The following BMPR1B variants were observed in gnomAD, a reference collection of about 807,000 sequenced individuals.
BMPR1B encodes bone morphogenetic protein receptor type 1B.
A neutral mutation model predicts 59.1 loss-of-function variants in BMPR1B; 12 were observed. The ratio of observed to expected loss-of-function variants is 0.20; its 90% CI spans 0.13 to 0.33. The LOEUF (loss-of-function observed/expected upper bound fraction) is 0.33, where lower values mean the gene tolerates loss of function less well. Among genes scored for constraint, BMPR1B ranks in the 10% least tolerant of loss-of-function variants. The probability of loss-of-function intolerance (pLI) is 1.00; values close to 1 mark genes in which losing one functional copy is unlikely to be tolerated. For synonymous variants in BMPR1B, 237 were observed against 207.3 expected, an observed-to-expected ratio of 1.14 and a Z score of -1.23; for missense variants, 550 against 610.9, an observed-to-expected ratio of 0.90 and a Z score of 1.05.
intron 1 of BMPR1B, among the ~76,000 whole-genome samples, chr4:94,872,854 G>A (rs189779875): frequency 1.0e-3 from 155 of 152,338 alleles, no homozygotes; most frequent in African/African-American, 3.6e-3. Context: ...TGTGAAAGTT[G>A]TACGAGGCAG....
intron 2 of BMPR1B, among the ~76,000 whole-genome samples, chr4:94,960,811 G>T (rs1002005125): frequency 6.6e-6 from 1 of 151,776 alleles, no homozygotes; most frequent in African/African-American, 2.4e-5. Context: ...ATCCTTTTTG[G>T]CATTTATATG....
chr4:94,765,176 C>T (rs1181434840), intron 1 of BMPR1B, among the ~76,000 whole-genome samples: 1 of 151,920 alleles, frequency 6.6e-6, no homozygotes, highest in African/African-American at 2.4e-5. Context: ...TTCATATAAA[C>T]CTTAAGAAAA....
chr4:94,815,517 C>T (rs973255114), intron 1 of BMPR1B, among the ~76,000 whole-genome samples: 11 of 152,142 alleles, frequency 7.2e-5, no homozygotes, highest in Admixed American at 1.3e-4. Flanking sequence ...TCTTTCACAA[C>T]GTGCCACATA....
At chr4:94,969,489 G>A (rs1233276838) in intron 2 of BMPR1B, among the ~76,000 whole-genome samples, 1 of 152,128 alleles carries the variant, frequency 6.6e-6, no homozygotes, top group African/African-American at 2.4e-5. Flanking sequence ...TTAACATTGG[G>A]TAGTATTCTC....
chr4:95,114,642 C>A, intron 4 of BMPR1B, 78 bp from the exon 5 acceptor site: 1 of 1,071,660 alleles, frequency 9.3e-7, no homozygotes, highest in Non-Finnish European at 1.4e-6. Context: ...TCCTTTTCCC[C>A]TAGACACACA....
rs1735352302 is a variant in BMPR1B at position 95,155,474 on chromosome 4, GCTTTTTTTTTT to G, written c.*802_*812del. The G allele has an allele frequency of 5.9e-5, 3 of 50,642 alleles. No homozygotes were observed. The highest frequency in any genetic ancestry group is 8.3e-4 in the South Asian group (1 of 1,206). The allele number at this position is 50,642 out of a possible 1,614,324, so 3.1% of individuals were successfully genotyped here. A position where few individuals can be genotyped will look rare whatever the true frequency, so the allele number is the denominator to read the frequency against. On this transcript the variant is annotated 3_prime_UTR_variant, in exon 13 of 13. Transcript: ENST00000515059. ...ACCCTTTTCATTAAACACAAAGAAAGCTTTTTTTTTTTTTTTTTTTTTTTTTTTTTTTTAAT... is the reference window on the plus strand; with the variant it reads ...ACCCTTTTCATTAAACACAAAGAAAGTTTTTTTTTTTTTTTTTTTTTTAAT...
chr4:94,988,400 A>G (rs1296529105), intron 2 of BMPR1B, among the ~76,000 whole-genome samples: 1 of 152,166 alleles, frequency 6.6e-6, no homozygotes, highest in Non-Finnish European at 1.5e-5. Flanking sequence ...ACCTTATTTT[A>G]TTAAACATAG....
chr4:94,988,509 A>G lies in BMPR1B; in HGVS notation c.-112-7531A>G, dbSNP rs186359813. Among the ~76,000 whole-genome samples the G allele has an allele frequency of 8.5e-5, 13 of 152,290 alleles. 1 individual carries two copies. The highest frequency in any genetic ancestry group is 2.9e-4 in the African/African-American group (12 of 41,566). On this transcript the variant is annotated intron_variant, in intron 2 of 12. Coordinates refer to ENST00000515059, the MANE Select transcript of BMPR1B (RefSeq NM_001203.3). ...ATAAAGTGCTTTAGTTTAGTTTGCC[A>G]TTTGGTTTATGTGATGTCATATAAA... is the stretch of plus-strand genomic sequence containing the variant.
intron 3 of BMPR1B, among the ~76,000 whole-genome samples, chr4:95,064,718 CGAGGATCTCAGCA>C (rs934356959): frequency 2.6e-5 from 4 of 152,070 alleles, no homozygotes; most frequent in African/African-American, 9.7e-5. Flanking sequence ...TGAAAATGGA[CGAGGATCTCAGCA>C]GACATTTCTC....
chr4:95,005,746 C>T (rs2149115585), intron 3 of BMPR1B, among the ~76,000 whole-genome samples: 1 of 152,054 alleles, frequency 6.6e-6, no homozygotes, highest in South Asian at 2.1e-4. Context: ...TTTTCCTTAT[C>T]TTCTGTCTTC....
At chr4:95,092,791 C>CCTT (rs3068100) in intron 3 of BMPR1B, among the ~76,000 whole-genome samples, 142,997 of 151,986 alleles carry the variant, frequency 0.94, 67,341 homozygotes, top group Middle Eastern at 0.99. Context: ...TTGTCACTTC[C>CCTT]CTTTACATAT....
At chr4:94,911,638 G>A (rs1490229301) in intron 2 of BMPR1B, among the ~76,000 whole-genome samples, 1 of 152,124 alleles carries the variant, frequency 6.6e-6, no homozygotes, top group East Asian at 1.9e-4. Context: ...AATATACTAT[G>A]AAGTTAATGA....
At chr4:95,010,616 T>A (rs1430122861) in intron 3 of BMPR1B, among the ~76,000 whole-genome samples, 3 of 152,160 alleles carry the variant, frequency 2.0e-5, no homozygotes, top group African/African-American at 7.2e-5. Flanking sequence ...TGAAAATTGG[T>A]TAGTTCTTCC....
intron 2 of BMPR1B, among the ~76,000 whole-genome samples, chr4:94,904,587 T>G (rs900514314): frequency 3.3e-5 from 5 of 152,056 alleles, no homozygotes. Flanking sequence ...AATCAAAGAC[T>G]GTAAACCTTT....
At chr4:95,151,661 A>T (rs1290758758) in intron 11 of BMPR1B, among the ~76,000 whole-genome samples, 1 of 152,212 alleles carries the variant, frequency 6.6e-6, no homozygotes, top group Non-Finnish European at 1.5e-5. Context: ...GAAAGAACAT[A>T]ACACAGACCC....
chr4:95,021,717 C>A (rs1329505094), intron 3 of BMPR1B, among the ~76,000 whole-genome samples: 1 of 152,142 alleles, frequency 6.6e-6, no homozygotes, highest in Non-Finnish European at 1.5e-5. Context: ...ATTTATAAGT[C>A]ATATGTGAAA....
At chr4:95,003,579 T>C (rs995900029) in intron 3 of BMPR1B, among the ~76,000 whole-genome samples, 3 of 152,148 alleles carry the variant, frequency 2.0e-5, no homozygotes, top group South Asian at 2.1e-4. Flanking sequence ...TGAGAAATGA[T>C]GCATGAATAA....
At chr4:95,072,838 T>A (rs888247884) in intron 3 of BMPR1B, among the ~76,000 whole-genome samples, 3 of 152,158 alleles carry the variant, frequency 2.0e-5, no homozygotes, top group Non-Finnish European at 4.4e-5. Context: ...TTAAAAATTT[T>A]AAAAAATTAA....
chr4:94,940,525 A>C (rs1729472321), intron 2 of BMPR1B, among the ~76,000 whole-genome samples: 1 of 152,172 alleles, frequency 6.6e-6, no homozygotes, highest in Admixed American at 6.5e-5. Flanking sequence ...TTGTGTCTTT[A>C]TCACAATTGT....
Sources: gnomAD v4.1 joint callset for allele counts (sites outside exome capture counted in the v4.1 genomes callset) on GRCh38, gnomAD v4.1.1 for gene constraint, MANE v1.5 for transcripts, NCBI Gene and HGNC (gene_info 2026-07-23, HGNC 2026-07-21) for gene names.